RASA1: variants seen among roughly 807,000 people sequenced by gnomAD.
RASA1 encodes ras GTPase-activating protein 1.
A neutral mutation model predicts 132.2 loss-of-function variants in RASA1; 25 were observed. That is an observed-to-expected ratio of 0.19 (90% CI 0.14 to 0.26). The LOEUF (loss-of-function observed/expected upper bound fraction) is 0.26. Ranked by LOEUF, RASA1 falls within the 10% of genes least tolerant of loss-of-function variation. The pLI, the probability that RASA1 is intolerant of heterozygous loss-of-function variation, is 1.00. For synonymous variants in RASA1, 477 were observed against 449.9 expected, an observed-to-expected ratio of 1.06 and a Z score of -0.76; for missense variants, 964 against 1,299.2, an observed-to-expected ratio of 0.74 and a Z score of 3.97.
chr5:87,379,193 A>C (rs1002573194), intron 18 of RASA1, among the ~76,000 whole-genome samples: 20 of 152,192 alleles, frequency 1.3e-4, no homozygotes, highest in African/African-American at 4.8e-4. Flanking sequence ...TAATAACTTG[A>C]AGGGAAGAAA....
intron 11 of RASA1, 67 bp downstream of exon 11, chr5:87,363,571 A>T (rs562140103): frequency 6.5e-7 from 1 of 1,540,882 alleles, no homozygotes; most frequent in African/African-American, 1.4e-5. Context: ...AAACAAAGCA[A>T]ACCAATTTTG....
intron 1 of RASA1, among the ~76,000 whole-genome samples, chr5:87,317,171 C>G (rs970264948): frequency 6.6e-6 from 1 of 152,198 alleles, no homozygotes; most frequent in African/African-American, 2.4e-5. Flanking sequence ...GTGTGAGCCA[C>G]TGCGCCTGGC....
intron 1 of RASA1, chr5:87,318,476 G>A (rs931272219): frequency 1.2e-4 from 18 of 153,426 alleles, no homozygotes; most frequent in African/African-American, 3.1e-4. Context: ...GAAGCATGGC[G>A]GGGGAGGCCT....
Position 87,355,150 on chromosome 5 carries a change from A to G in RASA1, c.1332+1915A>G, listed in dbSNP as rs190919030. 1.5e-3 allele frequency among the ~76,000 whole-genome samples: 225 copies of G among 152,314 alleles called. 1 individual carries two copies. The highest frequency in any genetic ancestry group is 5.3e-3 in the African/African-American group (219 of 41,570). The stretch of plus-strand genomic sequence containing the variant: ...AGATAACTAGCAAGTTATCCAGAAG[A>G]TAAGTATTGAAGGTGCTAAACAACA... On this transcript the variant is annotated intron_variant, in intron 9 of 24. Coordinates refer to ENST00000274376, the MANE Select transcript of RASA1 (RefSeq NM_002890.3).
chr5:87,315,050 A>G (rs1317227084), intron 1 of RASA1, among the ~76,000 whole-genome samples: 2 of 152,212 alleles, frequency 1.3e-5, no homozygotes, highest in African/African-American at 2.4e-5. Context: ...TATGTAAAGT[A>G]TAAAGAGTTT....
chr5:87,273,326 TA>T (rs533733090), intron 1 of RASA1, among the ~76,000 whole-genome samples: 40 of 152,138 alleles, frequency 2.6e-4, no homozygotes, highest in African/African-American at 5.5e-4. Flanking sequence ...ATTATAAAAA[TA>T]AAAAAAATTC....
intron 20 of RASA1, among the ~76,000 whole-genome samples, chr5:87,380,970 T>G (rs1016001046): frequency 6.6e-6 from 1 of 152,182 alleles, no homozygotes; most frequent in Non-Finnish European, 1.5e-5. Flanking sequence ...ATTAATTGGT[T>G]TGTTACAATC....
chr5:87,285,086 T>TTTATTTA (rs1561254719), intron 1 of RASA1, among the ~76,000 whole-genome samples: 6 of 119,160 alleles, frequency 5.0e-5, no homozygotes, highest in Non-Finnish European at 7.2e-5. Context: ...TTATTTATTT[T>TTTATTTA]GAGATGGAGT....
intron 1 of RASA1, among the ~76,000 whole-genome samples, chr5:87,270,241 CAAA>C (rs112792931): frequency 1.7e-4 from 10 of 60,006 alleles, no homozygotes; most frequent in African/African-American, 2.3e-4. Context: ...GACTCTGTCT[CAAA>C]AAAAAAAAAA....
At chr5:87,356,232 A>G (rs1481700889) in intron 9 of RASA1, among the ~76,000 whole-genome samples, 1 of 152,284 alleles carries the variant, frequency 6.6e-6, no homozygotes, top group Admixed American at 6.5e-5. Context: ...AGAAGAGTCA[A>G]TTGATGCAGC....
At chr5:87,372,065 G>T in intron 12 of RASA1, 53 bp from the exon 13 acceptor site, 2 of 1,468,018 alleles carry the variant, frequency 1.4e-6, no homozygotes, top group Non-Finnish European at 1.9e-6. Context: ...CTGATGATTT[G>T]GAAGCCAAAT....
chr5:87,312,634 A>G (rs929524634), intron 1 of RASA1, among the ~76,000 whole-genome samples: 1 of 152,204 alleles, frequency 6.6e-6, no homozygotes, highest in Non-Finnish European at 1.5e-5. Context: ...GAGATGAACA[A>G]CTAAACTAAG....
Position 87,268,511 on chromosome 5 carries a change from AGGC to A in RASA1, c.65_67del (p.Gly22del), listed in dbSNP as rs749204950. On this transcript the variant is annotated inframe_deletion, in exon 1 of 25. Transcript: ENST00000274376. ...GCCCGGTAACAGCCGGAGCTGGAGG[AGGC>A]GGCGCGGCAGCGGGCTCCAGTGCCT... 1 of 1,574,598 alleles carries A rather than the reference AGGC, an allele frequency of 6.4e-7. No homozygotes were observed. The highest frequency in any genetic ancestry group is 8.6e-7 in the Non-Finnish European group (1 of 1,161,234).
At chr5:87,323,262 A>G (rs1283773398) in intron 1 of RASA1, among the ~76,000 whole-genome samples, 1 of 152,212 alleles carries the variant, frequency 6.6e-6, no homozygotes, top group Non-Finnish European at 1.5e-5. Context: ...ACTTTGAGAA[A>G]GCATAGAGGG....
chr5:87,270,658 T>C (rs985958148), intron 1 of RASA1, among the ~76,000 whole-genome samples: 1 of 61,372 alleles, frequency 1.6e-5, no homozygotes, highest in Non-Finnish European at 3.8e-5. Context: ...TTTTTTTTTT[T>C]TTTTTTTTTT....
Position 87,363,471 on chromosome 5 carries a change from C to A in RASA1, c.1577C>A (p.Ser526Tyr). 6.2e-7 allele frequency: 1 copy of A among 1,612,412 alleles called. No homozygotes were observed. Among genetic ancestry groups the A allele is most frequent in the South Asian group, 1.1e-5 (1 of 91,032 alleles). ...PKGLIDLSVC[S>Y]VYVVHDSLFG... ...GGATTAATAGATCTCAGTGTATGTT[C>A]TGTCTATGTCGTTCATGATAGTCTC... The change falls in exon 11 of 25, where the codon TCT (serine) becomes TAT (tyrosine). Residue 526 changes from serine (S) to tyrosine (Y), a missense_variant. By Grantham distance (144) the Ser-to-Tyr change is moderately radical (BLOSUM62 -2). Around this residue, in one of 6 missense-constraint regions of RASA1, gnomAD observed 346 missense variants for 520.1 expected, o/e 0.67. Transcript: ENST00000274376.
Position 87,268,860 on chromosome 5 carries a change from C to G in RASA1, c.409C>G (p.Leu137Val). ...CGGGCCAGGCGGCGGTTTTCCCCCT[C>G]TGCCCCCTCCCCCTTACCTGCCCCC... ...TLGPGGGFPP[L>V]PPPPYLPPLG... Residue 137 changes from leucine (L) to valine (V), a missense_variant, in exon 1 of 25, where the codon CTG becomes GTG. Physicochemically the swap from Leu to Val is conservative, Grantham distance 32 (BLOSUM62 1). Coordinates refer to ENST00000274376, the MANE Select transcript of RASA1 (RefSeq NM_002890.3). The G allele has an allele frequency of 6.2e-7, 1 of 1,614,194 alleles. No individual in the cohort carries two copies. Among genetic ancestry groups the G allele is most frequent in the South Asian group, 1.1e-5 (1 of 91,088 alleles).
intron 1 of RASA1, among the ~76,000 whole-genome samples, chr5:87,283,456 A>G (rs577365522): frequency 6.6e-6 from 1 of 152,050 alleles, no homozygotes; most frequent in Non-Finnish European, 1.5e-5. Flanking sequence ...TTAAATAATC[A>G]CTTTTCCCCT....
At position 87,391,507 on chromosome 5, in the gene RASA1, T is replaced by C. The variant is rs1762513675; in HGVS notation, c.*624T>C. ...ATAGAATGATCTATTGCTCATCAGC[T>C]TTATTTTTTAAACATACGACTTATT... On this transcript the variant is annotated 3_prime_UTR_variant, in exon 25 of 25. Transcript: ENST00000274376. The C allele has an allele frequency of 4.2e-6, 1 of 237,836 alleles. No homozygotes were observed. 14.7% of individuals were successfully genotyped at this position (237,836 alleles called of 1,614,324 possible).
Sources: gnomAD v4.1 joint callset for allele counts (sites outside exome capture counted in the v4.1 genomes callset) on GRCh38, gnomAD v4.1.1 for gene constraint, gnomAD v4.1.1 regional missense constraint, MANE v1.5 for transcripts, NCBI Gene and HGNC (gene_info 2026-07-23, HGNC 2026-07-21) for gene names.